DEAF1: variants seen among roughly 807,000 people sequenced by gnomAD.
The protein encoded by DEAF1 is DEAF1 transcription factor, also known as deformed epidermal autoregulatory factor 1 homolog.
DEAF1 carries 53 observed loss-of-function variants against 58.9 expected under a neutral mutation model. That is an observed-to-expected ratio of 0.90 (90% CI 0.72 to 1.13). The LOEUF (loss-of-function observed/expected upper bound fraction) is 1.13, where lower values mean the gene tolerates loss of function less well. Among genes scored for constraint, DEAF1 ranks in the 50% most tolerant of loss-of-function variants. The probability of loss-of-function intolerance (pLI) is 0.00; values close to 1 mark genes in which losing one functional copy is unlikely to be tolerated. For synonymous variants in DEAF1, 385 were observed against 340.4 expected (o/e 1.13, Z -1.44); for missense variants, 685 against 791.4 (o/e 0.87, Z 1.61).
intron 1 of DEAF1, chr11:700,741 C>A: frequency 1.3e-6 from 2 of 1,553,266 alleles, no homozygotes; most frequent in Non-Finnish European, 1.8e-6. Flanking sequence ...AAGAACCTGT[C>A]CTAAGAGTTG....
In DEAF1 at chr11:688,763, T is replaced by A. The variant is rs1049552577; in HGVS notation, c.388-303A>T. ...ACACCCTCCCTTCCACCTGAGCCGC[T>A]CCCACAAGGTCACCGTCTTCATGCA... On this transcript the variant is annotated intron_variant, in intron 2 of 11. Transcript: ENST00000382409. This position sits in a 1 kb window ranked among gnomAD's most constrained non-coding sequence, Gnocchi z 4.3. 3.9e-5 allele frequency among the ~76,000 whole-genome samples: 6 copies of A among 152,238 alleles called. No homozygotes were observed. Among genetic ancestry groups the A allele is most frequent in the Middle Eastern group, 3.4e-3 (1 of 294 alleles).
intron 11 of DEAF1, among the ~76,000 whole-genome samples, chr11:646,980 T>G (rs7116680): frequency 0.5 from 75,929 of 151,078 alleles, 19,269 homozygotes; most frequent in East Asian, 0.73. Context: ...CAAAACCCTA[T>G]CTCTATAAAA....
At chr11:659,720 A>G (rs1378512265) in intron 10 of DEAF1, among the ~76,000 whole-genome samples, 2 of 152,174 alleles carry the variant, frequency 1.3e-5, no homozygotes, top group Non-Finnish European at 2.9e-5. Flanking sequence ...TCCTGGGTCT[A>G]GTTCCAGAGG....
In DEAF1 at chr11:701,959, CAT is replaced by C. The variant is rs909524018; in HGVS notation, c.-438+4611_-438+4612del. Among the ~76,000 whole-genome samples, 7 of 152,334 alleles carry C rather than the reference CAT, an allele frequency of 4.6e-5. No individual in the cohort carries two copies. In the East Asian group the frequency reaches 5.8e-4, roughly 13 times the overall value. On this transcript the variant is annotated intron_variant, in intron 1 of 11. Coordinates refer to the DEAF1 transcript ENST00000683307. ...GCCCTCTGCGTGCTCATGGTCGTAA[CAT>C]GTGCACCTAAACACACGTGTTTGTG...
chr11:674,662 C>T lies in DEAF1; in HGVS notation c.1377G>A (p.Met459Ile). 1 of 1,614,090 alleles carries T rather than the reference C, an allele frequency of 6.2e-7. No homozygotes were observed. The highest frequency in any genetic ancestry group is 1.7e-5 in the Admixed American group (1 of 60,016). ...EPRSWLYLEE[M>I]VNSLLNTAQQ... is the part of the protein sequence containing the mutation. ...GCGCTGTGTTGAGCAAGGAGTTGAC[C>T]ATCTCTTCTAGGTACAGCCAGCTCC... The change falls in exon 10 of 12, where the codon ATG becomes ATA. Residue 459 changes from methionine to isoleucine, a missense_variant. Transcript: ENST00000382409.
chr11:691,690 C>A, intron 1 of DEAF1, 92 bp from the exon 2 acceptor site: 1 of 1,071,986 alleles, frequency 9.3e-7, no homozygotes. Flanking sequence ...AAAGTGACTC[C>A]CCCTCAGGTG....
intron 1 of DEAF1, chr11:703,398 T>A: frequency 7.3e-7 from 1 of 1,362,734 alleles, no homozygotes; most frequent in South Asian, 2.0e-5. Flanking sequence ...GCCTTCAAGA[T>A]GAGTCCCAGG....
At chr11:657,357 CA>C (rs1318517545) in intron 10 of DEAF1, among the ~76,000 whole-genome samples, 2 of 152,148 alleles carry the variant, frequency 1.3e-5, no homozygotes, top group African/African-American at 4.8e-5. Context: ...AGGGGTGCAT[CA>C]GGGGACCCAG....
At chr11:701,011 A>G (rs1248036201) in intron 1 of DEAF1, 10 of 454,582 alleles carry the variant, frequency 2.2e-5, no homozygotes, top group Admixed American at 2.0e-4. Context: ...CCACATCTGG[A>G]GCTCCGGAAT....
chr11:648,431 G>A (rs373235003), intron 11 of DEAF1, among the ~76,000 whole-genome samples: 8 of 152,080 alleles, frequency 5.3e-5, no homozygotes, highest in South Asian at 2.1e-4. Flanking sequence ...TCCTGACCTC[G>A]TGATCCGCCC....
At chr11:647,450 G>A (rs942783768) in intron 11 of DEAF1, among the ~76,000 whole-genome samples, 3 of 152,124 alleles carry the variant, frequency 2.0e-5, no homozygotes, top group African/African-American at 7.2e-5. Context: ...GCCAGACCCT[G>A]TCTCAAAAAC....
At chr11:661,438 C>T (rs1011364235) in intron 10 of DEAF1, among the ~76,000 whole-genome samples, 1 of 151,858 alleles carries the variant, frequency 6.6e-6, no homozygotes, top group East Asian at 1.9e-4. Context: ...GGCCAGGCAC[C>T]GAGGCTCATG....
At chr11:691,166 A>G (rs1185207714) in intron 2 of DEAF1, among the ~76,000 whole-genome samples, 2 of 152,230 alleles carry the variant, frequency 1.3e-5, no homozygotes, top group African/African-American at 2.4e-5. Flanking sequence ...CAGCTATAGG[A>G]TAAGGAGCAC....
intron 11 of DEAF1, among the ~76,000 whole-genome samples, chr11:648,636 T>C (rs771269190): frequency 3.3e-5 from 5 of 152,136 alleles, no homozygotes; most frequent in Non-Finnish European, 7.4e-5. Flanking sequence ...AGTGCTTATA[T>C]TGGGGCCCAA....
chr11:674,358 T>C, intron 10 of DEAF1, 178 bp downstream of exon 10: 1 of 887,162 alleles, frequency 1.1e-6, no homozygotes. Context: ...CAACAATAGC[T>C]GTCACTTTTC....
rs566174877 is a variant in DEAF1, at chr11:688,416, T to G, written c.432A>C (p.Glu144Asp). 25 of 1,613,970 alleles carry G rather than the reference T, an allele frequency of 1.5e-5. No individual in the cohort carries two copies. The African/African-American group carries it at 3.3e-4, about 22-fold the overall frequency. Reference protein sequence around the residue: ...ALQIGDSLNTEKATLIVVHTD... With the variant: ...ALQIGDSLNTDKATLIVVHTD... ...TGTGGACGACAATCAGTGTCGCTTTTTCGGTGTTCAGGCTGTCCCCGATCT... is the reference window on the plus strand; with the variant it reads ...TGTGGACGACAATCAGTGTCGCTTTGTCGGTGTTCAGGCTGTCCCCGATCT... The change falls in exon 3 of 12, where the codon GAA becomes GAC. Residue 144 changes from glutamate to aspartate, a missense_variant. Around this residue, in one of 3 missense-constraint regions of DEAF1, gnomAD observed 132 missense variants for 234.3 expected, o/e 0.56. Coordinates refer to ENST00000382409, the MANE Select transcript of DEAF1 (RefSeq NM_021008.4). The surrounding 1 kb of genome is among the most constrained non-coding windows in gnomAD (Gnocchi z 4.3).
At chr11:656,758 AC>A (rs1859073520) in intron 10 of DEAF1, among the ~76,000 whole-genome samples, 1 of 151,914 alleles carries the variant, frequency 6.6e-6, no homozygotes. Context: ...GGAGGACAGC[AC>A]CCCTGAACTG....
chr11:659,379 G>A (rs952274481), intron 10 of DEAF1, among the ~76,000 whole-genome samples: 2 of 152,074 alleles, frequency 1.3e-5, no homozygotes, highest in Non-Finnish European at 2.9e-5. Flanking sequence ...GGTGACAGAG[G>A]GAGAACATGT....
At chr11:667,349 G>C (rs1859589034) in intron 10 of DEAF1, among the ~76,000 whole-genome samples, 1 of 131,784 alleles carries the variant, frequency 7.6e-6, no homozygotes, top group South Asian at 2.4e-4. Context: ...GGAAGGAAGG[G>C]AGGGATGGAG....
Sources: allele counts gnomAD v4.1 joint callset (sites outside exome capture counted in the v4.1 genomes callset), GRCh38; gene constraint gnomAD v4.1.1; regional missense constraint gnomAD v4.1.1; non-coding constraint Gnocchi (gnomAD v3.1); transcripts MANE v1.5; gene names NCBI Gene and HGNC (gene_info 2026-07-23, HGNC 2026-07-21).